Variants in DPEP2 observed in about 807,000 individuals in gnomAD.
DPEP2 encodes dipeptidase 2.
Under a neutral mutation model 51.8 loss-of-function variants are expected in DPEP2, and 45 were observed. The ratio of observed to expected loss-of-function variants is 0.87; its 90% CI spans 0.68 to 1.11. The LOEUF (loss-of-function observed/expected upper bound fraction) is 1.11. DPEP2 is among the 50% of genes most tolerant of loss of function. The probability of loss-of-function intolerance (pLI) is 0.00; values close to 1 mark genes in which losing one functional copy is unlikely to be tolerated. For synonymous variants in DPEP2, 255 were observed against 262.7 expected (o/e 0.97, Z 0.28); for missense variants, 604 against 631.9 (o/e 0.96, Z 0.47).
chr16:67,993,011 T>A lies in DPEP2; in HGVS notation c.202A>T (p.Ser68Cys). The A allele has an allele frequency of 6.2e-7, 1 of 1,606,204 alleles. No individual in the cohort carries two copies. The highest frequency in any genetic ancestry group is 8.5e-7 in the Non-Finnish European group (1 of 1,176,246). ...YAPSTTLSSPSTQGLQEQARA... is the reference protein window; with the variant it reads ...YAPSTTLSSPCTQGLQEQARA... Reference sequence around the variant, plus strand: ...GCCTGCTCTTGCAGGCCCTGGGTGCTGGGACTACTGAGTGTGGTCGAGGGA... The same window carrying A: ...GCCTGCTCTTGCAGGCCCTGGGTGCAGGGACTACTGAGTGTGGTCGAGGGA... The change falls in exon 2 of 11, where the codon AGC becomes TGC. Residue 68 changes from serine to cysteine, a missense_variant. Physicochemically the swap from Ser to Cys is moderately radical, Grantham distance 112. Transcript: ENST00000393847.
upstream of DPEP2, among the ~76,000 whole-genome samples, chr16:67,999,964 C>T (rs2032929841): frequency 6.6e-6 from 1 of 152,144 alleles, no homozygotes; most frequent in African/African-American, 2.4e-5. Flanking sequence ...TCCGTGGCTT[C>T]TCATTGCAGA....
chr16:67,987,910 T>C lies in DPEP2; in HGVS notation c.1148A>G (p.Glu383Gly), dbSNP rs375315698. ...EELLSRGWSE[E>G]ELQGVLRGNL... is the part of the protein sequence containing the mutation. ...TCCACGAAGGACACCCTGAAGCTCTTCCTCACTCCAGCCACGACTCAGCAA... is the reference window on the plus strand; with the variant it reads ...TCCACGAAGGACACCCTGAAGCTCTCCCTCACTCCAGCCACGACTCAGCAA... Residue 383 changes from glutamate to glycine, a missense_variant, in exon 10 of 11, where the codon GAA becomes GGA. Transcript: ENST00000393847. 1.9e-6 allele frequency: 3 copies of C among 1,614,036 alleles called. No individual in the cohort carries two copies. The African/African-American group carries it at 4.0e-5, about 22-fold the overall frequency.
chr16:67,990,309 C>T (rs915037777), intron 7 of DPEP2, among the ~76,000 whole-genome samples, 178 bp from the exon 8 acceptor site: 1 of 152,112 alleles, frequency 6.6e-6, no homozygotes, highest in Admixed American at 6.5e-5. Context: ...GCATAGGTGT[C>T]TTGGCACTTG....
chr16:67,993,525 A>C, intron 1 of DPEP2: 2 of 1,109,994 alleles, frequency 1.8e-6, no homozygotes, highest in Non-Finnish European at 2.2e-6. Flanking sequence ...CCTCCCTTTT[A>C]CTCCTCCCAC....
rs762116484 is a variant in DPEP2 at position 67,993,038 on chromosome 16, C to A, written c.175G>T (p.Ala59Ser). 4 of 1,584,284 alleles carry A rather than the reference C, an allele frequency of 2.5e-6. No individual in the cohort carries two copies. Among genetic ancestry groups the A allele is most frequent in the Admixed American group, 3.6e-5 (2 of 55,818 alleles). ...GGACTACTGAGTGTGGTCGAGGGAG[C>A]GTAGGTGCCCGGCATGGTGTGGGCT... The part of the protein sequence containing the change: ...PRAHTMPGTY[A>S]PSTTLSSPST... The change falls in exon 2 of 11, where the codon GCT becomes TCT. Residue 59 changes from alanine to serine, a missense_variant. Coordinates refer to ENST00000393847, the MANE Select transcript of DPEP2 (RefSeq NM_022355.4).
intron 1 of DPEP2, among the ~76,000 whole-genome samples, chr16:67,996,672 G>A (rs751549140): frequency 2.0e-5 from 3 of 151,900 alleles, no homozygotes; most frequent in Non-Finnish European, 2.9e-5. Context: ...GTGAGCGACC[G>A]CACTCGGCCA....
rs1447836986 is a variant in DPEP2, at chr16:67,989,505, A to G, written c.995-107T>C. On this transcript the variant is annotated intron_variant, in intron 8 of 10. Coordinates refer to ENST00000393847, the MANE Select transcript of DPEP2 (RefSeq NM_022355.4). ...CCTTCTTGCAGCCTGTGGGCCAGGC[A>G]GGCTAATTCCTTTATGGCCTGCCAC... 12 of 1,192,774 alleles carry G rather than the reference A, an allele frequency of 1.0e-5. No homozygotes were observed. The East Asian group carries it at 2.8e-4, about 28-fold the overall frequency. The allele number at this position is 1,192,774 out of a possible 1,614,324, so 73.9% of individuals were successfully genotyped here. A position where few individuals can be genotyped will look rare whatever the true frequency, so the allele number is the denominator to read the frequency against.
In DPEP2 at chr16:67,991,109, C is replaced by T; in HGVS notation, c.732+6G>A. 6.2e-7 allele frequency: 1 copy of T among 1,614,158 alleles called. No homozygotes were observed. The highest frequency in any genetic ancestry group is 8.5e-7 in the Non-Finnish European group (1 of 1,180,024). The stretch of plus-strand genomic sequence containing the variant: ...TTTGGGGTGGAGTGTGAACCAGGGT[C>T]CTCACCTCACCAAAGTCAGTCAGCC... On this transcript the variant is annotated splice_donor_region_variant and intron_variant, in intron 6 of 10. Transcript: ENST00000393847. The surrounding 1 kb of genome is among the most constrained non-coding windows in gnomAD (Gnocchi z 5.1).
rs148339520 is a variant in DPEP2 at position 67,992,789 on chromosome 16, AAG to A, written c.264-155_264-154del. On this transcript the variant is annotated intron_variant, in intron 2 of 10. Coordinates refer to ENST00000393847, the MANE Select transcript of DPEP2 (RefSeq NM_022355.4). ...AGGCCCGGGCTAGGAGTGCCCACCCAAGAGGGGATGACAGAGGGGAAAGGGTA... is the reference window on the plus strand; with the variant it reads ...AGGCCCGGGCTAGGAGTGCCCACCCAAGGGGATGACAGAGGGGAAAGGGTA... 1,730 of 1,485,180 alleles carry A rather than the reference AAG, an allele frequency of 1.2e-3. 22 individuals are homozygous for A. In the African/African-American group the frequency reaches 0.022, roughly 19 times the overall value. The allele number at this position is 1,485,180 out of a possible 1,614,324, so 92.0% of individuals were successfully genotyped here. A position where few individuals can be genotyped will look rare whatever the true frequency, so the allele number is the denominator to read the frequency against.
Position 67,987,584 on chromosome 16 carries a change from T to C in DPEP2, c.1383A>G (p.Ser461=). Residue 461 remains serine (S), a synonymous_variant, in exon 11 of 11, where the codon TCA becomes TCG. Coordinates refer to ENST00000393847, the MANE Select transcript of DPEP2 (RefSeq NM_022355.4). ...HWTAKLPAKW[S]VSESSPHMAP... is the part of the protein sequence containing the mutation. ...CCATGTGGGGGGAGGACTCTGAGAC[T>C]GACCACTTGGCTGGTAACTTGGCTG... 2 of 1,614,216 alleles carry C rather than the reference T, an allele frequency of 1.2e-6. No homozygotes were observed. The highest frequency in any genetic ancestry group is 1.7e-6 in the Non-Finnish European group (2 of 1,180,042).
rs2032899936 is a variant in DPEP2 at position 67,999,397 on chromosome 16, G to T, written c.-68C>A. On this transcript the variant is annotated 5_prime_UTR_variant, in exon 1 of 11. Coordinates refer to ENST00000393847, the MANE Select transcript of DPEP2 (RefSeq NM_022355.4). ...TACCTTAAGAGCTGTAACACTCACT[G>T]CGAGGGTCTGCAGCTTCATTCTAGA... The T allele has an allele frequency of 4.5e-5, 34 of 747,442 alleles. No individual in the cohort carries two copies. The highest frequency in any genetic ancestry group is 5.6e-5 in the Non-Finnish European group (34 of 612,018). 46.3% of individuals were successfully genotyped at this position (747,442 alleles called of 1,614,324 possible). A position where few individuals can be genotyped will look rare whatever the true frequency, so the allele number is the denominator to read the frequency against.
At chr16:67,993,871 T>C in intron 1 of DPEP2, 1 of 985,508 alleles carries the variant, frequency 1.0e-6, no homozygotes, top group East Asian at 1.1e-4. Flanking sequence ...CTCCCGTAAC[T>C]TAGGCCCTCA....
At chr16:67,996,677 C>T (rs1039128312) in intron 1 of DPEP2, among the ~76,000 whole-genome samples, 1 of 152,038 alleles carries the variant, frequency 6.6e-6, no homozygotes. Flanking sequence ...CGACCGCACT[C>T]GGCCAACTTT....
intron 1 of DPEP2, chr16:67,993,732 G>T: frequency 1.0e-6 from 1 of 986,086 alleles, no homozygotes; most frequent in Non-Finnish European, 1.2e-6. Context: ...TGACCACAGT[G>T]CTCTGGGCTC....
Position 67,992,552 on chromosome 16 carries a change from C to T in DPEP2, c.348G>A (p.Gln116=), listed in dbSNP as rs1238050094. ...DVNLRNFSYG[Q]TSLDRLRDGL... is the part of the protein sequence containing the mutation. ...CATCTCTAAGCCTGTCCAGGCTGGT[C>T]TGGCCGTAGCTGAAATTGCGCAGGT... is the stretch of plus-strand genomic sequence containing the variant. Residue 116 remains glutamine, a synonymous_variant, in exon 3 of 11, where the codon CAG becomes CAA. Coordinates refer to ENST00000393847, the MANE Select transcript of DPEP2 (RefSeq NM_022355.4). 3 of 1,614,150 alleles carry T rather than the reference C, an allele frequency of 1.9e-6. No individual in the cohort carries two copies. The highest frequency in any genetic ancestry group is 3.3e-5 in the Admixed American group (2 of 60,024).
At position 67,987,754 on chromosome 16, in the gene DPEP2, C is replaced by T. The variant is rs1310943604; in HGVS notation, c.1213G>A (p.Glu405Lys). ...RVFRQVEKVQ[E>K]ENKWQSPLED... is the part of the protein sequence containing the mutation. Reference sequence around the variant, plus strand: ...AAGGGGCTTTGCCATTTGTTTTCTTCCTGTACCTAGAGGTGGCAGTCGGTG... The same window carrying T: ...AAGGGGCTTTGCCATTTGTTTTCTTTCTGTACCTAGAGGTGGCAGTCGGTG... Residue 405 changes from glutamate to lysine, a missense_variant, in exon 11 of 11, where the codon GAA (glutamate) becomes AAA (lysine). By Grantham distance (56) the Glu-to-Lys change is moderately conservative. Transcript: ENST00000393847. The T allele has an allele frequency of 6.2e-6, 10 of 1,613,288 alleles. No individual in the cohort carries two copies. The Admixed American group carries it at 1.7e-4, about 27-fold the overall frequency.
chr16:67,999,595 A>G, upstream of DPEP2: 2 of 717,474 alleles, frequency 2.8e-6, no homozygotes, highest in Non-Finnish European at 3.4e-6. Context: ...ATGAGTGTTC[A>G]TGTGAGCCCA....
Position 67,991,788 on chromosome 16 carries a change from A to G in DPEP2, c.662+50T>C. 1 of 1,599,176 alleles carries G rather than the reference A, an allele frequency of 6.3e-7. No individual in the cohort carries two copies. The highest frequency in any genetic ancestry group is 8.5e-7 in the Non-Finnish European group (1 of 1,170,582). ...TTCTGGGCCCACAGTGACCTCAGGC[A>G]GATCTCTGCCCCTGCCTCAGCGGTC... On this transcript the variant is annotated intron_variant, in intron 5 of 10. Transcript: ENST00000393847. The surrounding 1 kb of genome is among the most constrained non-coding windows in gnomAD (Gnocchi z 5.1).
chr16:67,988,123 C>T, intron 9 of DPEP2, 136 bp from the exon 10 acceptor site: 1 of 1,088,106 alleles, frequency 9.2e-7, no homozygotes, highest in South Asian at 1.6e-5. Context: ...TAATTCTCCT[C>T]TGCTCTTTAT....
Sources: gnomAD v4.1 joint callset for allele counts (sites outside exome capture counted in the v4.1 genomes callset) on GRCh38, gnomAD v4.1.1 for gene constraint, Gnocchi (gnomAD v3.1) non-coding constraint, MANE v1.5 for transcripts, NCBI Gene and HGNC (gene_info 2026-07-23, HGNC 2026-07-21) for gene names.